Variants in NFIB observed in about 807,000 individuals in gnomAD.
The protein encoded by NFIB is nuclear factor I B, also known as nuclear factor 1 B-type.
Under a neutral mutation model 61.5 loss-of-function variants are expected in NFIB, and 11 were observed. The observed-to-expected ratio is 0.18, with a 90% CI of 0.11 to 0.30. The LOEUF is 0.30. NFIB is among the 10% of genes least tolerant of loss of function. The probability of loss-of-function intolerance (pLI) is 1.00; values close to 1 mark genes in which losing one functional copy is unlikely to be tolerated. For synonymous variants in NFIB, 260 were observed against 216.5 expected (o/e 1.20, Z -1.76); for missense variants, 471 against 608.9 (o/e 0.77, Z 2.38).
intron 2 of NFIB, among the ~76,000 whole-genome samples, chr9:14,224,900 C>T (rs886577355): frequency 1.3e-5 from 2 of 152,160 alleles, no homozygotes; most frequent in Non-Finnish European, 2.9e-5. Flanking sequence ...TTTGAAAGAA[C>T]CTGTTGGCTT....
intron 1 of NFIB, among the ~76,000 whole-genome samples, chr9:14,343,743 G>T (rs182053388): frequency 7.5e-4 from 114 of 151,120 alleles, no homozygotes; most frequent in African/African-American, 2.7e-3. Flanking sequence ...CCACAAGAGA[G>T]AGGGAGTGAG....
At chr9:14,325,268 G>A (rs10756544) in intron 1 of NFIB, among the ~76,000 whole-genome samples, 150,692 of 152,216 alleles carry the variant, frequency 0.99, 74,609 homozygotes, top group Middle Eastern at 1. Flanking sequence ...AGTGATTCCA[G>A]TGTTTTTAAA....
the NFIB span, among the ~76,000 whole-genome samples, chr9:14,425,054 A>T: frequency 6.6e-6 from 1 of 152,192 alleles, no homozygotes; most frequent in African/African-American, 2.4e-5. Flanking sequence ...CCCAATTCCT[A>T]CAGAAGGCCT....
At chr9:14,160,549 G>C (rs1297244306) in intron 3 of NFIB, among the ~76,000 whole-genome samples, 1 of 152,102 alleles carries the variant, frequency 6.6e-6, no homozygotes, top group Non-Finnish European at 1.5e-5. Flanking sequence ...AGTTCCAGGA[G>C]CTGTTTTTTG....
At chr9:14,285,773 C>G (rs1377683859) in intron 2 of NFIB, among the ~76,000 whole-genome samples, 1 of 152,156 alleles carries the variant, frequency 6.6e-6, no homozygotes, top group Non-Finnish European at 1.5e-5. Context: ...GCAATGGTCA[C>G]ATGTGGAAAA....
At chr9:14,359,010 G>A (rs2132939445) in intron 1 of NFIB, among the ~76,000 whole-genome samples, 1 of 152,248 alleles carries the variant, frequency 6.6e-6, no homozygotes, top group East Asian at 1.9e-4. Context: ...CCGGATAATG[G>A]CGTGCTGCTA....
intron 2 of NFIB, among the ~76,000 whole-genome samples, chr9:14,231,239 C>G (rs2053160117): frequency 6.8e-6 from 1 of 147,824 alleles, no homozygotes; most frequent in African/African-American, 2.5e-5. Flanking sequence ...GGAGAAAGCC[C>G]TGAAAAGAAA....
intron 2 of NFIB, among the ~76,000 whole-genome samples, chr9:14,298,804 A>C (rs1269249526): frequency 2.0e-5 from 3 of 152,228 alleles, no homozygotes; most frequent in African/African-American, 7.2e-5. Context: ...CAAGGGATTC[A>C]GGTAGCAACT....
the NFIB span, among the ~76,000 whole-genome samples, chr9:14,410,087 C>T: frequency 6.6e-6 from 1 of 151,856 alleles, no homozygotes; most frequent in Non-Finnish European, 1.5e-5. Flanking sequence ...AAGTCTGTAA[C>T]CGTGTTAAGT....
At chr9:14,383,845 T>C (rs1253706373) in intron 1 of NFIB, among the ~76,000 whole-genome samples, 1 of 152,142 alleles carries the variant, frequency 6.6e-6, no homozygotes, top group African/African-American at 2.4e-5. Flanking sequence ...TAAAAGTCAG[T>C]GGGAAAGAAC....
chr9:14,247,935 CTTTTT>C (rs1051234569), intron 2 of NFIB, among the ~76,000 whole-genome samples: 1 of 138,136 alleles, frequency 7.2e-6, no homozygotes, highest in Admixed American at 7.3e-5. Context: ...TTCTTTTTTT[CTTTTT>C]TTTTTTTTTT....
intron 6 of NFIB, among the ~76,000 whole-genome samples, chr9:14,134,972 T>G (rs1022579045): frequency 2.7e-5 from 4 of 149,096 alleles, no homozygotes; most frequent in Non-Finnish European, 5.9e-5. Flanking sequence ...ACAAAAAAAC[T>G]TACAAAATAG....
intron 3 of NFIB, among the ~76,000 whole-genome samples, chr9:14,170,507 T>C (rs2045450724): frequency 6.6e-6 from 1 of 152,144 alleles, no homozygotes; most frequent in Non-Finnish European, 1.5e-5. Context: ...CTGGGCATGG[T>C]GGCACATGCC....
rs576433371 is a variant in NFIB at position 14,337,191 on chromosome 9, T to C, written c.109-29671A>G. On this transcript the variant is annotated intron_variant, in intron 1 of 8. Coordinates refer to the NFIB transcript ENST00000380934. ...CTGCACATGTGCAGAAGGTAACATATACAAGAAGTTCTCAGTAGAATAGTC... is the reference window on the plus strand; with the variant it reads ...CTGCACATGTGCAGAAGGTAACATACACAAGAAGTTCTCAGTAGAATAGTC... 1.4e-3 allele frequency among the ~76,000 whole-genome samples: 211 copies of C among 152,264 alleles called. 2 individuals are homozygous for C. Among genetic ancestry groups the C allele is most frequent in the Admixed American group, 2.6e-3 (40 of 15,292 alleles).
intron 2 of NFIB, among the ~76,000 whole-genome samples, chr9:14,248,430 C>G (rs750330582): frequency 6.6e-6 from 1 of 151,904 alleles, no homozygotes; most frequent in Non-Finnish European, 1.5e-5. Flanking sequence ...ACCACCATGT[C>G]GGACTAATCT....
chr9:14,110,663 T>C (rs901258260), intron 10 of NFIB, among the ~76,000 whole-genome samples: 1 of 152,126 alleles, frequency 6.6e-6, no homozygotes, highest in African/African-American at 2.4e-5. Context: ...AGAATAATCT[T>C]TACTGAAGTC....
intron 2 of NFIB, among the ~76,000 whole-genome samples, chr9:14,244,487 C>A (rs1252816559): frequency 6.6e-6 from 1 of 152,176 alleles, no homozygotes; most frequent in Non-Finnish European, 1.5e-5. Context: ...AATTACATTT[C>A]TTCTGAGCTA....
intron 2 of NFIB, among the ~76,000 whole-genome samples, chr9:14,242,355 G>A (rs1194392752): frequency 1.3e-5 from 2 of 152,152 alleles, no homozygotes; most frequent in African/African-American, 4.8e-5. Context: ...AACCTACAAG[G>A]ATTCCTTCAG....
intron 2 of NFIB, among the ~76,000 whole-genome samples, chr9:14,269,392 G>C (rs969982746): frequency 1.3e-5 from 2 of 151,980 alleles, no homozygotes; most frequent in Non-Finnish European, 2.9e-5. Flanking sequence ...AACTATAATC[G>C]TGTCATTTCT....
Sources: allele counts gnomAD v4.1 joint callset (sites outside exome capture counted in the v4.1 genomes callset), GRCh38; gene constraint gnomAD v4.1.1; transcripts MANE v1.5; gene names NCBI Gene and HGNC (gene_info 2026-07-23, HGNC 2026-07-21).